SERHL2: variants seen among roughly 807,000 people sequenced by gnomAD.
SERHL2 encodes serine hydrolase like 2, also known as serine hydrolase-like protein 2.
SERHL2 carries 29 observed loss-of-function variants against 25.5 expected under a neutral mutation model. That is an observed-to-expected ratio of 1.14 (90% CI 0.85 to 1.55). The LOEUF is 1.55. Ranked by LOEUF, SERHL2 falls within the 40% of genes most tolerant of loss-of-function variation. SERHL2 has a pLI of 0.00. For synonymous variants in SERHL2, 95 were observed against 103.5 expected (o/e 0.92, Z 0.50); for missense variants, 240 against 252.3 (o/e 0.95, Z 0.33).
intron 9 of SERHL2, among the ~76,000 whole-genome samples, chr22:42,566,571 A>G (rs1923421652): frequency 1.3e-5 from 2 of 151,542 alleles, no homozygotes; most frequent in Non-Finnish European, 2.9e-5. Flanking sequence ...AAAAAAAACA[A>G]AAGAAATTAT....
chr22:42,569,793 A>C (rs1049989638), intron 9 of SERHL2: 4 of 151,834 alleles, frequency 2.6e-5, no homozygotes, highest in African/African-American at 9.7e-5. Context: ...GCCAGGGTGG[A>C]AACAGGGCAG....
intron 8 of SERHL2, chr22:42,565,070 C>T (rs1601843780): frequency 6.6e-6 from 1 of 152,172 alleles, no homozygotes; most frequent in African/African-American, 2.4e-5. Flanking sequence ...GATGACTACG[C>T]TACGTTCTCC....
intron 9 of SERHL2, among the ~76,000 whole-genome samples, chr22:42,566,844 G>C: frequency 6.6e-6 from 1 of 152,284 alleles, no homozygotes; most frequent in Non-Finnish European, 1.5e-5. Flanking sequence ...TGTGTCACTG[G>C]AGCACTTGTA....
At chr22:42,562,200 G>A (rs1922769403) in intron 8 of SERHL2, among the ~76,000 whole-genome samples, 2 of 151,760 alleles carry the variant, frequency 1.3e-5, no homozygotes, top group African/African-American at 4.8e-5. Context: ...CCCACCCAGT[G>A]CCTCAAGGAC....
At position 42,572,607 on chromosome 22, in the gene SERHL2, A is replaced by T. The variant is rs746569627; in HGVS notation, c.825+78A>T. The T allele has an allele frequency of 1.5e-5, 24 of 1,560,156 alleles. No individual in the cohort carries two copies. The South Asian group carries it at 2.2e-4, about 15-fold the overall frequency. ...CCACCTCACCCATCTCTTCTCATGCACTGGGAAGACCCTGGGTCTGCCCCC... is the reference window on the plus strand; with the variant it reads ...CCACCTCACCCATCTCTTCTCATGCTCTGGGAAGACCCTGGGTCTGCCCCC... On this transcript the variant is annotated intron_variant, in intron 11 of 11. Coordinates refer to ENST00000327678, the MANE Select transcript of SERHL2 (RefSeq NM_014509.5).
At chr22:42,560,940 A>C (rs1008962590) in intron 8 of SERHL2, among the ~76,000 whole-genome samples, 3 of 151,628 alleles carry the variant, frequency 2.0e-5, no homozygotes, top group African/African-American at 7.3e-5. Flanking sequence ...GGCCCGGCTC[A>C]GTGAGGCTGC....
intron 8 of SERHL2, among the ~76,000 whole-genome samples, chr22:42,562,601 T>G (rs1922826372): frequency 6.6e-6 from 1 of 151,656 alleles, no homozygotes; most frequent in Admixed American, 6.6e-5. Flanking sequence ...CCACTTCCTC[T>G]TTTGAATAGG....
intron 10 of SERHL2, 127 bp from the exon 11 acceptor site, chr22:42,572,309 C>A: frequency 1.6e-6 from 1 of 641,386 alleles, no homozygotes; most frequent in Non-Finnish European, 2.8e-6. Flanking sequence ...AGGGACCCAG[C>A]TGTGGGAGTT....
At chr22:42,567,578 G>A (rs539038314) in intron 9 of SERHL2, among the ~76,000 whole-genome samples, 1 of 151,536 alleles carries the variant, frequency 6.6e-6, no homozygotes, top group Non-Finnish European at 1.5e-5. Flanking sequence ...GCAGGAGAAT[G>A]GCGTGAACCC....
intron 1 of SERHL2, 82 bp downstream of exon 1, chr22:42,554,124 G>C (rs1403969098): frequency 2.0e-6 from 3 of 1,525,160 alleles, no homozygotes; most frequent in Non-Finnish European, 2.7e-6. Flanking sequence ...ATGGAGTGGA[G>C]GGTTCGCCGA....
chr22:42,568,796 C>A (rs182772563), intron 9 of SERHL2, among the ~76,000 whole-genome samples: 20 of 152,098 alleles, frequency 1.3e-4, no homozygotes, highest in African/African-American at 4.6e-4. Context: ...GAAACCCTGT[C>A]TCTACCAAAA....
chr22:42,560,658 T>C (rs930568356), intron 8 of SERHL2, among the ~76,000 whole-genome samples: 2 of 151,946 alleles, frequency 1.3e-5, no homozygotes, highest in African/African-American at 4.8e-5. Flanking sequence ...GAGGTGGAGC[T>C]GGTATGTCTT....
In SERHL2 at chr22:42,560,326, A is replaced by G. The variant is rs548344776; in HGVS notation, c.613+61A>G. The G allele has an allele frequency of 1.2e-5, 16 of 1,312,574 alleles. No homozygotes were observed. In the African/African-American group the frequency reaches 2.0e-4, roughly 17 times the overall value. 81.3% of individuals were successfully genotyped at this position (1,312,574 alleles called of 1,614,324 possible). ...TGTCACTATTCTTACCGAGGATGTC[A>G]AGGACTTGCCTTAGACCAGGCAGGA... On this transcript the variant is annotated intron_variant, in intron 8 of 11. Transcript: ENST00000327678.
rs376329659 is a variant in SERHL2 at position 42,554,014 on chromosome 22, G to C, written c.-7G>C. On this transcript the variant is annotated 5_prime_UTR_variant, in exon 1 of 12. Transcript: ENST00000327678. ...AGTGACAGCAGCGCATTCGCGGGACGAGAGCGATGAGTGAGAACGCCGCAC... is the reference window on the plus strand; with the variant it reads ...AGTGACAGCAGCGCATTCGCGGGACCAGAGCGATGAGTGAGAACGCCGCAC... 2.4e-5 allele frequency: 39 copies of C among 1,613,480 alleles called. No homozygotes were observed. In the South Asian group the frequency reaches 3.7e-4, roughly 15 times the overall value.
At chr22:42,563,324 C>T (rs953405695) in intron 8 of SERHL2, 5 of 296,968 alleles carry the variant, frequency 1.7e-5, no homozygotes, top group African/African-American at 2.2e-5. Context: ...CTACCTCAGC[C>T]TCTTGAGTAG....
chr22:42,562,598 C>T (rs1569276948), intron 8 of SERHL2, among the ~76,000 whole-genome samples: 2 of 151,604 alleles, frequency 1.3e-5, no homozygotes, highest in Non-Finnish European at 2.9e-5. Context: ...GCTCCACTTC[C>T]TCTTTTGAAT....
In SERHL2 at chr22:42,571,676, G is replaced by A. The variant is rs1360497669; in HGVS notation, c.731+473G>A. The A allele has an allele frequency of 1.1e-4, 20 of 178,492 alleles. 1 individual carries two copies. Among genetic ancestry groups the A allele is most frequent in the Admixed American group, 8.3e-4 (15 of 17,976 alleles). 11.1% of individuals were successfully genotyped at this position (178,492 alleles called of 1,614,324 possible). A position where few individuals can be genotyped will look rare whatever the true frequency, so the allele number is the denominator to read the frequency against. On this transcript the variant is annotated intron_variant, in intron 10 of 11. Coordinates refer to ENST00000327678, the MANE Select transcript of SERHL2 (RefSeq NM_014509.5). ...CCTGACCTCATGATCCGCCCGCCTC[G>A]GCCTCCCAGTGTTGGGATTACAGGC...
At chr22:42,569,363 A>G (rs368813587) in intron 9 of SERHL2, 3 of 151,428 alleles carry the variant, frequency 2.0e-5, no homozygotes, top group Admixed American at 1.3e-4. Flanking sequence ...GGTTCAAGCA[A>G]TTCTCCTGCC....
At position 42,566,321 on chromosome 22, in the gene SERHL2, G is replaced by C. The variant is rs752295102; in HGVS notation, c.631G>C (p.Asp211His). 1.2e-6 allele frequency: 2 copies of C among 1,612,208 alleles called. No homozygotes were observed. The highest frequency in any genetic ancestry group is 4.5e-5 in the East Asian group (2 of 44,872). ...KVATGLVLNR[D>H]QRLAWAENSI... ...GCCTCCAGGTCTGGTTCTGAACAGA[G>C]ACCAGAGGCTCGCCTGGGTGAGTAC... The change falls in exon 9 of 12, where the codon GAC becomes CAC. Residue 211 changes from aspartate to histidine, a missense_variant. Physicochemically the swap from Asp to His is moderately conservative, Grantham distance 81 (BLOSUM62 -1). Coordinates refer to ENST00000327678, the MANE Select transcript of SERHL2 (RefSeq NM_014509.5).
Sources: allele counts gnomAD v4.1 joint callset (sites outside exome capture counted in the v4.1 genomes callset), GRCh38; gene constraint gnomAD v4.1.1; transcripts MANE v1.5; gene names NCBI Gene and HGNC (gene_info 2026-07-23, HGNC 2026-07-21).